The following PANK3 variants were observed in gnomAD, a reference collection of about 807,000 sequenced individuals.
PANK3 encodes the protein pantothenate kinase 3.
PANK3 carries 20 observed loss-of-function variants against 39.4 expected under a neutral mutation model. The observed-to-expected ratio is 0.51, with a 90% CI of 0.36 to 0.74. The LOEUF is 0.74. Ranked by LOEUF, PANK3 falls within the 30% of genes least tolerant of loss-of-function variation. The pLI is 0.00. For missense variants in PANK3, 265 were observed against 437.0 expected, an observed-to-expected ratio of 0.61 and a Z score of 3.51; for synonymous variants, 140 against 157.3, an observed-to-expected ratio of 0.89 and a Z score of 0.82.
intron 6 of PANK3, among the ~76,000 whole-genome samples, chr5:168,558,154 T>C (rs75191165): frequency 1.3e-5 from 1 of 74,274 alleles, no homozygotes; most frequent in Non-Finnish European, 2.5e-5. Context: ...ACATGGAAGC[T>C]TTTTTTTTTT....
At position 168,568,794 on chromosome 5, in the gene PANK3, C is replaced by A; in HGVS notation, c.233G>T (p.Arg78Leu). 6.2e-7 allele frequency: 1 copy of A among 1,613,924 alleles called. No individual in the cohort carries two copies. Residue 78 changes from arginine to leucine, a missense_variant, in exon 2 of 7, where the codon CGA (arginine) becomes CTA (leucine). This residue lies in a region of PANK3 where 154 missense variants were observed against 256.8 expected (regional missense o/e 0.60). Coordinates refer to ENST00000239231, the MANE Select transcript of PANK3 (RefSeq NM_024594.4). ...LELKDLTLFG[R>L]RGNLHFIRFP... ...CCTGATAAAGTGCAAGTTCCCTCTT[C>A]GGCCAAAAAGTGTTAAATCTTTCAG... is the stretch of plus-strand genomic sequence containing the variant.
In PANK3 at chr5:168,561,383, G is replaced by C; in HGVS notation, c.936+10C>G. ...TGATAATTCAAGTTTTGTGTTTTTT[G>C]TTTTTTTACCTCATTAACAGCACAC... On this transcript the variant is annotated intron_variant, in intron 5 of 6. Coordinates refer to ENST00000239231, the MANE Select transcript of PANK3 (RefSeq NM_024594.4). 2 of 1,561,914 alleles carry C rather than the reference G, an allele frequency of 1.3e-6. No individual in the cohort carries two copies. The highest frequency in any genetic ancestry group is 1.7e-6 in the Non-Finnish European group (2 of 1,159,006).
intron 1 of PANK3, among the ~76,000 whole-genome samples, chr5:168,577,636 G>A (rs1759749853): frequency 6.6e-6 from 1 of 152,146 alleles, no homozygotes; most frequent in Non-Finnish European, 1.5e-5. Flanking sequence ...ACCGTGCCTA[G>A]CCCTATTTTA....
In PANK3 at chr5:168,550,138, C is replaced by T. The variant is rs1341801376; in HGVS notation, c.*7433G>A. On this transcript the variant is annotated 3_prime_UTR_variant, in exon 7 of 7. Coordinates refer to ENST00000239231, the MANE Select transcript of PANK3 (RefSeq NM_024594.4). The stretch of plus-strand genomic sequence containing the variant: ...AAAACTGTACTTCAAATTTTGTACT[C>T]TGATATTATCCTGGGATAACGATAT... The T allele has an allele frequency of 1.3e-5, 2 of 152,178 alleles. No individual in the cohort carries two copies. The highest frequency in any genetic ancestry group is 3.8e-4 in the East Asian group (2 of 5,204). 9.4% of individuals were successfully genotyped at this position (152,178 alleles called of 1,614,324 possible).
chr5:168,564,468 T>C (rs1462654076), intron 3 of PANK3, among the ~76,000 whole-genome samples: 2 of 152,218 alleles, frequency 1.3e-5, no homozygotes, highest in Non-Finnish European at 2.9e-5. Context: ...GGTCTCACTC[T>C]GTCCCTCAGG....
chr5:168,549,032 A>T lies in PANK3; in HGVS notation c.*8539T>A, dbSNP rs570514253. ...GGACATAATAACATCTTCTGAGTACACTTTGGTCAATAACTGGTCATTAAG... is the reference window on the plus strand; with the variant it reads ...GGACATAATAACATCTTCTGAGTACTCTTTGGTCAATAACTGGTCATTAAG... On this transcript the variant is annotated 3_prime_UTR_variant, in exon 7 of 7. Transcript: ENST00000239231. The T allele has an allele frequency of 2.6e-5, 4 of 152,180 alleles. No homozygotes were observed. The highest frequency in any genetic ancestry group is 9.6e-5 in the African/African-American group (4 of 41,452). 9.4% of individuals were successfully genotyped at this position (152,180 alleles called of 1,614,324 possible).
intron 6 of PANK3, among the ~76,000 whole-genome samples, chr5:168,557,947 G>A (rs780228562): frequency 1.3e-5 from 2 of 152,054 alleles, no homozygotes; most frequent in Admixed American, 6.6e-5. Flanking sequence ...GGCTCACACT[G>A]AAATACGTAT....
chr5:168,560,200 A>AC (rs779151423), intron 5 of PANK3, among the ~76,000 whole-genome samples: 3 of 152,158 alleles, frequency 2.0e-5, no homozygotes, highest in Non-Finnish European at 2.9e-5. Context: ...CCATCAACCA[A>AC]CTAACACTTA....
rs1172614496 is a variant in PANK3, at chr5:168,565,181, AC to A, written c.635+831del. On this transcript the variant is annotated intron_variant, in intron 3 of 6. Transcript: ENST00000239231. ...TAAGTATAATTTAAACAGAATTACT[AC>A]TTTAAAATTAAAATGAGTTTTTTTC... 9.2e-5 allele frequency among the ~76,000 whole-genome samples: 14 copies of A among 152,364 alleles called. No homozygotes were observed. In the East Asian group the frequency reaches 2.5e-3, roughly 27 times the overall value.
At position 168,553,300 on chromosome 5, in the gene PANK3, A is replaced by G. The variant is rs185213981; in HGVS notation, c.*4271T>C. 2,371 of 530,792 alleles carry G rather than the reference A, an allele frequency of 4.5e-3. 17 individuals carry two copies. The highest frequency in any genetic ancestry group is 7.8e-3 in the South Asian group (540 of 69,248). 32.9% of individuals were successfully genotyped at this position (530,792 alleles called of 1,614,324 possible). A position where few individuals can be genotyped will look rare whatever the true frequency, so the allele number is the denominator to read the frequency against. ...AGTAGGCGAGATCTCTCCAATGTAC[A>G]TGGGCACAAAACTTGTGCAGAGTCC... On this transcript the variant is annotated 3_prime_UTR_variant, in exon 7 of 7. Transcript: ENST00000239231.
In PANK3 at chr5:168,567,334, C is replaced by T. The variant is rs576025339; in HGVS notation, c.382-1068G>A. Among the ~76,000 whole-genome samples the T allele has an allele frequency of 1.1e-4, 17 of 152,284 alleles. No homozygotes were observed. The South Asian group carries it at 1.7e-3, about 15-fold the overall frequency. The stretch of plus-strand genomic sequence containing the variant: ...ATCATACTGTTTGTTAATCTACCCA[C>T]GGATAGATTAATTTCTGATTAATAA... On this transcript the variant is annotated intron_variant, in intron 2 of 6. Coordinates refer to ENST00000239231, the MANE Select transcript of PANK3 (RefSeq NM_024594.4).
Position 168,557,229 on chromosome 5 carries a change from T to C in PANK3, c.*342A>G, listed in dbSNP as rs940530242. 6 of 196,310 alleles carry C rather than the reference T, an allele frequency of 3.1e-5. No individual in the cohort carries two copies. Among genetic ancestry groups the C allele is most frequent in the Non-Finnish European group, 5.2e-5 (5 of 96,878 alleles). 12.2% of individuals were successfully genotyped at this position (196,310 alleles called of 1,614,324 possible). A position where few individuals can be genotyped will look rare whatever the true frequency, so the allele number is the denominator to read the frequency against. On this transcript the variant is annotated 3_prime_UTR_variant, in exon 7 of 7. Transcript: ENST00000239231. ...CTTGTAACAAATATTCAGAGTCGAT[T>C]ATTTTCATAAGCTAAACAGTTCCGA...
At position 168,556,213 on chromosome 5, in the gene PANK3, G is replaced by A. The variant is rs1213874156; in HGVS notation, c.*1358C>T. ...GGTGGCCTCTTGGGGTCCCTTGATG[G>A]GGGCTGTTGGGAAGTGGAAGGCATT... On this transcript the variant is annotated 3_prime_UTR_variant, in exon 7 of 7. Transcript: ENST00000239231. 1.3e-5 allele frequency: 2 copies of A among 152,216 alleles called. No homozygotes were observed. Among genetic ancestry groups the A allele is most frequent in the Non-Finnish European group, 2.9e-5 (2 of 68,084 alleles). 9.4% of individuals were successfully genotyped at this position (152,216 alleles called of 1,614,324 possible).
chr5:168,579,123 T>C (rs1032405736), intron 1 of PANK3, 133 bp downstream of exon 1: 2 of 714,160 alleles, frequency 2.8e-6, no homozygotes, highest in African/African-American at 3.8e-5. Context: ...GCTCAAATGG[T>C]CCCTCCGCCC....
chr5:168,575,176 T>C (rs1390997706), intron 1 of PANK3, among the ~76,000 whole-genome samples: 1 of 152,204 alleles, frequency 6.6e-6, no homozygotes, highest in Non-Finnish European at 1.5e-5. Flanking sequence ...CTGTTCATTA[T>C]GCCTTTAACA....
chr5:168,572,274 C>T (rs549182528), intron 1 of PANK3, among the ~76,000 whole-genome samples: 5 of 151,922 alleles, frequency 3.3e-5, no homozygotes, highest in Admixed American at 2.0e-4. Context: ...CTACCACGAC[C>T]AACTAATTTT....
Position 168,559,047 on chromosome 5 carries a change from C to T in PANK3, c.1047G>A (p.Leu349=). 6.2e-7 allele frequency: 1 copy of T among 1,608,166 alleles called. No individual in the cohort carries two copies. Among genetic ancestry groups the T allele is most frequent in the Non-Finnish European group, 8.5e-7 (1 of 1,176,854 alleles). ...DYWSKGQLKA[L]FLEHEGYFGA... The stretch of plus-strand genomic sequence containing the variant: ...CCTACCATACCTCATGTTCTAGAAA[C>T]AATGCTTTTAGTTGACCTTTTGACC... Residue 349 remains leucine (L), a synonymous_variant, in exon 6 of 7, where the codon TTG becomes TTA. Coordinates refer to ENST00000239231, the MANE Select transcript of PANK3 (RefSeq NM_024594.4).
Position 168,552,063 on chromosome 5 carries a change from G to C in PANK3, c.*5508C>G, listed in dbSNP as rs1759280354. ...ATCTTCTCGCGGGGTCAGGGTGGTG[G>C]TGATGGGAAATTCTATACCTTGTGT... On this transcript the variant is annotated 3_prime_UTR_variant, in exon 7 of 7. Transcript: ENST00000239231. 6.6e-6 allele frequency: 1 copy of C among 152,244 alleles called. No homozygotes were observed. The highest frequency in any genetic ancestry group is 2.1e-4 in the South Asian group (1 of 4,822). 9.4% of individuals were successfully genotyped at this position (152,244 alleles called of 1,614,324 possible).
In PANK3 at chr5:168,551,700, C is replaced by G. The variant is rs749463765; in HGVS notation, c.*5871G>C. 1.4e-4 allele frequency: 22 copies of G among 152,134 alleles called. No individual in the cohort carries two copies. The highest frequency in any genetic ancestry group is 2.5e-4 in the Non-Finnish European group (17 of 68,018). 9.4% of individuals were successfully genotyped at this position (152,134 alleles called of 1,614,324 possible). A position where few individuals can be genotyped will look rare whatever the true frequency, so the allele number is the denominator to read the frequency against. Reference sequence around the variant, plus strand: ...CCTTTCCACTTTGTGCTGCATCATTCTGCTTATAGAAACAGTCTTTAAGGG... The same window carrying G: ...CCTTTCCACTTTGTGCTGCATCATTGTGCTTATAGAAACAGTCTTTAAGGG... On this transcript the variant is annotated 3_prime_UTR_variant, in exon 7 of 7. Coordinates refer to ENST00000239231, the MANE Select transcript of PANK3 (RefSeq NM_024594.4).
Sources: gnomAD v4.1 joint callset for allele counts (sites outside exome capture counted in the v4.1 genomes callset) on GRCh38, gnomAD v4.1.1 for gene constraint, gnomAD v4.1.1 regional missense constraint, MANE v1.5 for transcripts, NCBI Gene and HGNC (gene_info 2026-07-23, HGNC 2026-07-21) for gene names.